The following TPCN1 variants were observed in gnomAD, a reference collection of about 807,000 sequenced individuals.
TPCN1 encodes the protein two pore channel protein 1.
Under a neutral mutation model 108.8 loss-of-function variants are expected in TPCN1, and 52 were observed. The observed-to-expected ratio is 0.48, with a 90% CI of 0.38 to 0.60. TPCN1 has a LOEUF of 0.60. TPCN1 is among the 20% of genes least tolerant of loss of function. The pLI is 0.00. For synonymous variants in TPCN1, 446 were observed against 433.7 expected (o/e 1.03, Z -0.35); for missense variants, 806 against 1,072.8 (o/e 0.75, Z 3.47).
At position 113,231,047 on chromosome 12, in the gene TPCN1, C is replaced by G. The variant is rs756559357; in HGVS notation, c.112+4083C>G. On this transcript the variant is annotated intron_variant, in intron 2 of 27. Transcript: ENST00000335509. The surrounding 1 kb of genome is among the most constrained non-coding windows in gnomAD (Gnocchi z 4.3). ...CTAAGGAGTTGGCAGAATGCAGATG[C>G]AGGCCATCCGCGGAGTTGGCAACGA... 4.6e-5 allele frequency among the ~76,000 whole-genome samples: 7 copies of G among 152,212 alleles called. No individual in the cohort carries two copies. The highest frequency in any genetic ancestry group is 5.9e-5 in the Non-Finnish European group (4 of 68,030).
intron 2 of TPCN1, among the ~76,000 whole-genome samples, chr12:113,245,617 AAAAAG>A (rs1188224764): frequency 1.5e-4 from 23 of 150,710 alleles, no homozygotes; most frequent in Middle Eastern, 3.4e-3. Flanking sequence ...AAAAAAAAAA[AAAAAG>A]AAAAGAAAAG....
chr12:113,251,438 A>G (rs140674849), intron 2 of TPCN1, among the ~76,000 whole-genome samples: 85 of 152,356 alleles, frequency 5.6e-4, no homozygotes, highest in African/African-American at 2.0e-3. Flanking sequence ...GCCCTTTCAG[A>G]TCTAGCAGAA....
intron 15 of TPCN1, among the ~76,000 whole-genome samples, chr12:113,283,495 G>A (rs527676379): frequency 1.7e-4 from 26 of 152,086 alleles, no homozygotes; most frequent in Admixed American, 5.2e-4. Context: ...ATTAGCTGGC[G>A]TGGTGGTGTG....
intron 2 of TPCN1, among the ~76,000 whole-genome samples, chr12:113,256,347 T>C (rs529781752): frequency 2.0e-5 from 3 of 152,054 alleles, no homozygotes; most frequent in African/African-American, 7.2e-5. Context: ...GGTATGCATG[T>C]ATGTATGTAT....
chr12:113,279,998 C>A (rs1236815352), intron 14 of TPCN1, among the ~76,000 whole-genome samples, 153 bp from the exon 15 acceptor site: 1 of 152,134 alleles, frequency 6.6e-6, no homozygotes, highest in Non-Finnish European at 1.5e-5. Context: ...ACCCTCCTTT[C>A]TTCACCTCTG....
At chr12:113,240,456 T>C (rs1344944966) in intron 2 of TPCN1, among the ~76,000 whole-genome samples, 1 of 152,216 alleles carries the variant, frequency 6.6e-6, no homozygotes, top group Non-Finnish European at 1.5e-5. Context: ...AATGAGGAGC[T>C]GAGCTTGTTT....
intron 13 of TPCN1, 62 bp downstream of exon 13, chr12:113,278,299 G>A (rs1463331931): frequency 6.9e-7 from 1 of 1,453,100 alleles, no homozygotes; most frequent in Non-Finnish European, 9.7e-7. Context: ...GGGGCAGTGA[G>A]GAGCAGGGGC....
intron 2 of TPCN1, among the ~76,000 whole-genome samples, chr12:113,245,441 A>T (rs1316879849): frequency 1.4e-5 from 2 of 146,444 alleles, no homozygotes; most frequent in Non-Finnish European, 3.0e-5. Context: ...ACTAAAAAAA[A>T]ATACAAAAAA....
chr12:113,295,443 TAAAA>T (rs61221998), intron 27 of TPCN1, among the ~76,000 whole-genome samples: 3 of 92,064 alleles, frequency 3.3e-5, no homozygotes, highest in Admixed American at 1.3e-4. Flanking sequence ...CTCTGTCTCC[TAAAA>T]AAAAAAAAAA....
intron 27 of TPCN1, 85 bp downstream of exon 27, chr12:113,293,434 T>TC: frequency 1.6e-6 from 2 of 1,277,622 alleles, no homozygotes; most frequent in Non-Finnish European, 2.3e-6. Flanking sequence ...GCCCTCTGAG[T>TC]AGAGGGAGAA....
intron 15 of TPCN1, among the ~76,000 whole-genome samples, chr12:113,281,908 ATTTC>A (rs1955897745): frequency 7.8e-6 from 1 of 128,664 alleles, no homozygotes; most frequent in Admixed American, 7.7e-5. Context: ...ACACATTTGG[ATTTC>A]TTTTTTTTTT....
chr12:113,234,871 G>A (rs1953825571), intron 2 of TPCN1, among the ~76,000 whole-genome samples: 1 of 152,180 alleles, frequency 6.6e-6, no homozygotes, highest in African/African-American at 2.4e-5. Flanking sequence ...TTAATCAAAA[G>A]TCTTTTGATT....
At chr12:113,287,182 A>G in intron 19 of TPCN1, 88 bp downstream of exon 19, 1 of 1,123,228 alleles carries the variant, frequency 8.9e-7, no homozygotes, top group Non-Finnish European at 1.3e-6. Context: ...ACCCAGAATG[A>G]GCCAGAAGGT....
intron 27 of TPCN1, among the ~76,000 whole-genome samples, chr12:113,294,816 C>T (rs1956375533): frequency 6.6e-6 from 1 of 152,164 alleles, no homozygotes. Flanking sequence ...CTCAGGGTTG[C>T]CAGGGCTCCG....
At chr12:113,237,664 C>T (rs1367512915) in intron 2 of TPCN1, among the ~76,000 whole-genome samples, 1 of 152,174 alleles carries the variant, frequency 6.6e-6, no homozygotes, top group Admixed American at 6.5e-5. Context: ...TGGCCAGTCC[C>T]TACTTCTTAA....
At position 113,231,565 on chromosome 12, in the gene TPCN1, A is replaced by G. The variant is rs1170736402; in HGVS notation, c.112+4601A>G. Among the ~76,000 whole-genome samples the G allele has an allele frequency of 6.6e-6, 1 of 151,724 alleles. No homozygotes were observed. Among genetic ancestry groups the G allele is most frequent in the African/African-American group, 2.4e-5 (1 of 41,254 alleles). On this transcript the variant is annotated intron_variant, in intron 2 of 27. Coordinates refer to ENST00000335509, the MANE Select transcript of TPCN1 (RefSeq NM_017901.6). The surrounding 1 kb of genome is among the most constrained non-coding windows in gnomAD (Gnocchi z 4.3). ...AGGGGGACACAGTTCAGGCCATCACACTCCTACCCATTCTTCAGAGGCAGG... is the reference window on the plus strand; with the variant it reads ...AGGGGGACACAGTTCAGGCCATCACGCTCCTACCCATTCTTCAGAGGCAGG...
Position 113,251,478 on chromosome 12 carries a change from C to T in TPCN1, c.113-8890C>T, listed in dbSNP as rs144624217. Among the ~76,000 whole-genome samples, 808 of 152,338 alleles carry T rather than the reference C, an allele frequency of 5.3e-3. 9 individuals carry two copies. The highest frequency in any genetic ancestry group is 0.018 in the African/African-American group (762 of 41,576). ...CCTGTGAAGTCCATTCCCGAGTCCTCGTTCCACCATTGGCAACACTGCTAC... is the reference window on the plus strand; with the variant it reads ...CCTGTGAAGTCCATTCCCGAGTCCTTGTTCCACCATTGGCAACACTGCTAC... On this transcript the variant is annotated intron_variant, in intron 2 of 27. Transcript: ENST00000335509.
In TPCN1 at chr12:113,272,792, G is replaced by C. The variant is rs985590996; in HGVS notation, c.783+100G>C. ...CCTGTGGCCATATGGGGAAGGGGGG[G>C]CCTGCCTGGTTTCTCATCATAGCTT... is the stretch of plus-strand genomic sequence containing the variant. On this transcript the variant is annotated intron_variant, in intron 8 of 27. Coordinates refer to ENST00000335509, the MANE Select transcript of TPCN1 (RefSeq NM_017901.6). This position sits in a 1 kb window ranked among gnomAD's most constrained non-coding sequence, Gnocchi z 4.1. 2 of 1,212,788 alleles carry C rather than the reference G, an allele frequency of 1.6e-6. No individual in the cohort carries two copies. The highest frequency in any genetic ancestry group is 2.4e-6 in the Non-Finnish European group (2 of 816,354). The allele number at this position is 1,212,788 out of a possible 1,614,324, so 75.1% of individuals were successfully genotyped here.
At chr12:113,265,942 G>C (rs1955243474) in intron 3 of TPCN1, among the ~76,000 whole-genome samples, 1 of 152,128 alleles carries the variant, frequency 6.6e-6, no homozygotes, top group African/African-American at 2.4e-5. Flanking sequence ...TTTAGTCTTT[G>C]GTTCCTCCGA....
Sources: allele counts gnomAD v4.1 joint callset (sites outside exome capture counted in the v4.1 genomes callset), GRCh38; gene constraint gnomAD v4.1.1; non-coding constraint Gnocchi (gnomAD v3.1); transcripts MANE v1.5; gene names NCBI Gene and HGNC (gene_info 2026-07-23, HGNC 2026-07-21).